NEGR1: variants seen among roughly 807,000 people sequenced by gnomAD.
NEGR1 encodes neuronal growth regulator 1.
In NEGR1, 10 loss-of-function variants were observed where a neutral mutation model predicts 40.9. That is an observed-to-expected ratio of 0.24 (90% confidence interval 0.15 to 0.42). The LOEUF (loss-of-function observed/expected upper bound fraction) is 0.42. Ranked by LOEUF, NEGR1 falls within the 10% of genes least tolerant of loss-of-function variation. The pLI is 1.00. For synonymous variants in NEGR1, 185 were observed against 166.8 expected, an observed-to-expected ratio of 1.11 and a Z score of -0.84; for missense variants, 352 against 438.9, an observed-to-expected ratio of 0.80 and a Z score of 1.77.
intron 1 of NEGR1, among the ~76,000 whole-genome samples, chr1:72,152,530 C>T (rs983020979): frequency 5.9e-5 from 9 of 151,912 alleles, no homozygotes; most frequent in East Asian, 1.9e-4. Flanking sequence ...ACTGTTGTTG[C>T]AAATGTAAAT....
chr1:71,586,465 G>A (rs1570068595), intron 6 of NEGR1, among the ~76,000 whole-genome samples: 1 of 152,232 alleles, frequency 6.6e-6, no homozygotes, highest in Middle Eastern at 3.4e-3. Context: ...GAGGAATAAA[G>A]GGTTTCATTG....
chr1:71,729,062 A>G (rs1654768942), intron 3 of NEGR1, among the ~76,000 whole-genome samples: 1 of 152,024 alleles, frequency 6.6e-6, no homozygotes, highest in Admixed American at 6.6e-5. Flanking sequence ...GTGACCTCTT[A>G]TTCTACTTGC....
At chr1:72,221,863 G>C (rs1654023977) in intron 1 of NEGR1, among the ~76,000 whole-genome samples, 1 of 152,090 alleles carries the variant, frequency 6.6e-6, no homozygotes, top group Non-Finnish European at 1.5e-5. Context: ...CCCACTTAGA[G>C]GTAGGGTCTA....
intron 6 of NEGR1, among the ~76,000 whole-genome samples, chr1:71,573,202 T>A (rs1648860266): frequency 6.6e-6 from 1 of 151,930 alleles, no homozygotes; most frequent in Admixed American, 6.6e-5. Flanking sequence ...ATAGAATAGA[T>A]AAAGGGAAGT....
rs1180298256 is a variant in NEGR1, at chr1:71,513,218, T to C, written c.940+79599A>G. Reference sequence around the variant, plus strand: ...TTTGTTGTTAACTAAGCATATTTAGTTCACTAGTTTGCTGAATATATTTTT... The same window carrying C: ...TTTGTTGTTAACTAAGCATATTTAGCTCACTAGTTTGCTGAATATATTTTT... On this transcript the variant is annotated intron_variant, in intron 6 of 6. Transcript: ENST00000357731. 2.6e-5 allele frequency among the ~76,000 whole-genome samples: 4 copies of C among 152,180 alleles called. No individual in the cohort carries two copies. In the East Asian group the frequency reaches 5.8e-4, roughly 22 times the overall value.
At position 71,917,480 on chromosome 1, in the gene NEGR1, T is replaced by A. The variant is rs188842880; in HGVS notation, c.409+17599A>T. On this transcript the variant is annotated intron_variant, in intron 2 of 6. Coordinates refer to ENST00000357731, the MANE Select transcript of NEGR1 (RefSeq NM_173808.3). Reference sequence around the variant, plus strand: ...TTGATAAGGCCATATCAATTTTTTTTAACTACATGCAAATGTAAAGAGTAA... The same window carrying A: ...TTGATAAGGCCATATCAATTTTTTTAAACTACATGCAAATGTAAAGAGTAA... Among the ~76,000 whole-genome samples the A allele has an allele frequency of 3.6e-3, 547 of 152,302 alleles. 3 individuals are homozygous for A. Among genetic ancestry groups the A allele is most frequent in the Non-Finnish European group, 5.3e-3 (362 of 68,016 alleles).
chr1:72,108,030 T>C (rs976880366), intron 1 of NEGR1, among the ~76,000 whole-genome samples: 5 of 151,740 alleles, frequency 3.3e-5, no homozygotes, highest in Admixed American at 2.6e-4. Context: ...CTAAAGAGTA[T>C]AATCTTCAGT....
At chr1:72,029,074 A>G (rs1176334116) in intron 1 of NEGR1, among the ~76,000 whole-genome samples, 2 of 152,246 alleles carry the variant, frequency 1.3e-5, no homozygotes, top group Admixed American at 6.5e-5. Context: ...TCAACCAATT[A>G]TTTAGATTAA....
intron 4 of NEGR1, among the ~76,000 whole-genome samples, chr1:71,616,335 G>A (rs1021524771): frequency 6.6e-6 from 1 of 152,198 alleles, no homozygotes; most frequent in Admixed American, 6.5e-5. Context: ...TTTCGTAGGA[G>A]TGTGAACGCT....
At chr1:71,962,319 G>A (rs1030161636) in intron 1 of NEGR1, among the ~76,000 whole-genome samples, 3 of 152,038 alleles carry the variant, frequency 2.0e-5, no homozygotes, top group African/African-American at 4.8e-5. Flanking sequence ...GATGGTAAAG[G>A]GAAGTACATA....
chr1:72,047,993 TA>T (rs1647018365), intron 1 of NEGR1, among the ~76,000 whole-genome samples: 1 of 151,622 alleles, frequency 6.6e-6, no homozygotes. Context: ...TAGCTTTATG[TA>T]AAACAGGAGC....
intron 5 of NEGR1, among the ~76,000 whole-genome samples, chr1:71,595,298 C>T (rs903590005): frequency 6.6e-6 from 1 of 152,180 alleles, no homozygotes; most frequent in African/African-American, 2.4e-5. Context: ...CTAAGTTCCC[C>T]GAGGTAATTT....
chr1:71,625,558 C>T (rs949855199), intron 4 of NEGR1, among the ~76,000 whole-genome samples: 1 of 151,616 alleles, frequency 6.6e-6, no homozygotes, highest in Non-Finnish European at 1.5e-5. Context: ...ATATAAGGGA[C>T]TAGAGCATAT....
intron 6 of NEGR1, among the ~76,000 whole-genome samples, chr1:71,499,678 C>T (rs956759148): frequency 6.6e-6 from 1 of 151,858 alleles, no homozygotes; most frequent in Non-Finnish European, 1.5e-5. Context: ...AGCCCTGACA[C>T]AGCCACATGA....
intron 4 of NEGR1, among the ~76,000 whole-genome samples, chr1:71,641,677 G>A (rs1355741162): frequency 1.3e-5 from 2 of 151,960 alleles, no homozygotes; most frequent in Non-Finnish European, 2.9e-5. Context: ...AGCAGAGTGG[G>A]AATGACATCA....
chr1:72,175,086 T>C (rs1652116324), intron 1 of NEGR1, among the ~76,000 whole-genome samples: 1 of 152,106 alleles, frequency 6.6e-6, no homozygotes, highest in Non-Finnish European at 1.5e-5. Context: ...CATTTAGCAT[T>C]AGCTGTATCT....
chr1:72,147,457 C>T (rs1403592505), intron 1 of NEGR1, among the ~76,000 whole-genome samples: 1 of 152,112 alleles, frequency 6.6e-6, no homozygotes, highest in Admixed American at 6.6e-5. Context: ...ACACCTAGGT[C>T]CCTCCCAGGA....
chr1:71,686,492 A>T (rs1183118496), intron 4 of NEGR1, among the ~76,000 whole-genome samples: 1 of 152,136 alleles, frequency 6.6e-6, no homozygotes, highest in Non-Finnish European at 1.5e-5. Flanking sequence ...TAGTATTCCC[A>T]TTAACTAGAA....
intron 3 of NEGR1, among the ~76,000 whole-genome samples, chr1:71,771,954 G>A (rs1349052181): frequency 1.3e-5 from 2 of 152,032 alleles, no homozygotes; most frequent in Non-Finnish European, 2.9e-5. Flanking sequence ...GGATGTCACG[G>A]TCTTAAAATC....
Sources: gnomAD v4.1 joint callset for allele counts (sites outside exome capture counted in the v4.1 genomes callset) on GRCh38, gnomAD v4.1.1 for gene constraint, MANE v1.5 for transcripts, NCBI Gene and HGNC (gene_info 2026-07-23, HGNC 2026-07-21) for gene names.